The following MYO5B variants were observed in gnomAD, a reference collection of about 807,000 sequenced individuals.
The protein encoded by MYO5B is myosin VB, also known as unconventional myosin-Vb.
MYO5B carries 143 observed loss-of-function variants against 229.3 expected under a neutral mutation model. The ratio of observed to expected loss-of-function variants is 0.62; its 90% CI spans 0.54 to 0.72. MYO5B has a LOEUF of 0.72. Ranked by LOEUF, MYO5B falls within the 30% of genes least tolerant of loss-of-function variation. The pLI, the probability that MYO5B is intolerant of heterozygous loss-of-function variation, is 0.00. For synonymous variants in MYO5B, 918 were observed against 885.2 expected (o/e 1.04, Z -0.66); for missense variants, 2,321 against 2,331.0 (o/e 1.00, Z 0.09).
At chr18:49,948,508 T>C (rs2025399359) in intron 14 of MYO5B, among the ~76,000 whole-genome samples, 1 of 152,196 alleles carries the variant, frequency 6.6e-6, no homozygotes, top group Admixed American at 6.5e-5. Context: ...GGTTTAAGTA[T>C]TGGCAGAAGC....
chr18:49,990,936 G>T (rs1833080962), intron 6 of MYO5B, among the ~76,000 whole-genome samples: 2 of 151,898 alleles, frequency 1.3e-5, no homozygotes, highest in South Asian at 4.1e-4. Context: ...AGCTGTGCTT[G>T]CCCATCAGGT....
At chr18:49,835,623 T>C (rs2023978570) in intron 38 of MYO5B, among the ~76,000 whole-genome samples, 199 bp from the exon 39 acceptor site, 1 of 152,220 alleles carries the variant, frequency 6.6e-6, no homozygotes, top group South Asian at 2.1e-4. Context: ...CAGGTGGATC[T>C]GAGCCCTCTC....
chr18:49,857,816 CAG>C (rs1319732488), intron 29 of MYO5B, among the ~76,000 whole-genome samples: 1 of 152,194 alleles, frequency 6.6e-6, no homozygotes, highest in Non-Finnish European at 1.5e-5. Flanking sequence ...CCTGGGCACA[CAG>C]AGATACTCAA....
chr18:49,856,980 C>G (rs568292654), intron 29 of MYO5B, 90 bp from the exon 30 acceptor site: 2 of 1,193,256 alleles, frequency 1.7e-6, no homozygotes, highest in African/African-American at 3.0e-5. Flanking sequence ...AGATTCTAGC[C>G]AAGGTTTGGA....
chr18:49,890,947 A>C (rs1335268156), intron 22 of MYO5B, among the ~76,000 whole-genome samples: 1 of 152,212 alleles, frequency 6.6e-6, no homozygotes, highest in Non-Finnish European at 1.5e-5. Flanking sequence ...AATATCTTCA[A>C]AATGGTCCTG....
intron 17 of MYO5B, among the ~76,000 whole-genome samples, 156 bp from the exon 18 acceptor site, chr18:49,912,329 C>A (rs2024967675): frequency 6.6e-6 from 1 of 152,114 alleles, no homozygotes; most frequent in African/African-American, 2.4e-5. Flanking sequence ...TTTTGTCCTC[C>A]CCAGTGCCCT....
intron 14 of MYO5B, among the ~76,000 whole-genome samples, chr18:49,947,887 T>TA (rs1310935530): frequency 1.3e-5 from 2 of 152,136 alleles, no homozygotes; most frequent in African/African-American, 4.8e-5. Context: ...TTTGGCAGTT[T>TA]AAAAAAAGTC....
Position 50,194,947 on chromosome 18 carries a change from G to A in MYO5B, c.-154C>T, listed in dbSNP as rs1291014883. The stretch of plus-strand genomic sequence containing the variant: ...CCTGCCCCGCCGGCTTCCCGCAGGC[G>A]CCGCGGCCGGCTCGCTCCCGGCGGC... On this transcript the variant is annotated 5_prime_UTR_variant, in exon 1 of 40. Coordinates refer to ENST00000285039, the MANE Select transcript of MYO5B (RefSeq NM_001080467.3). 1.6e-5 allele frequency: 17 copies of A among 1,096,408 alleles called. No homozygotes were observed. The highest frequency in any genetic ancestry group is 1.6e-5 in the African/African-American group (1 of 60,942). The allele number at this position is 1,096,408 out of a possible 1,614,324, so 67.9% of individuals were successfully genotyped here. A position where few individuals can be genotyped will look rare whatever the true frequency, so the allele number is the denominator to read the frequency against.
At chr18:49,850,759 C>T (rs974941120) in intron 31 of MYO5B, 1 of 152,570 alleles carries the variant, frequency 6.6e-6, no homozygotes, top group Admixed American at 6.5e-5. Context: ...TGCCAAGCAG[C>T]ACCAAAGCAT....
At chr18:50,093,726 C>T (rs1356876875) in intron 1 of MYO5B, among the ~76,000 whole-genome samples, 1 of 151,954 alleles carries the variant, frequency 6.6e-6, no homozygotes, top group Non-Finnish European at 1.5e-5. Flanking sequence ...CTCTGGTCGT[C>T]CTCAGCGCTC....
chr18:49,876,153 T>C, intron 25 of MYO5B: 1 of 375,918 alleles, frequency 2.7e-6, no homozygotes, highest in South Asian at 2.2e-5. Context: ...TTAAAAGAGC[T>C]CACTTCTGGA....
At chr18:49,838,798 G>A (rs1029325682) in intron 36 of MYO5B, among the ~76,000 whole-genome samples, 8 of 152,090 alleles carry the variant, frequency 5.3e-5, no homozygotes, top group Non-Finnish European at 7.4e-5. Context: ...TTTTTTCCAT[G>A]AATCAAGTTC....
chr18:50,131,766 G>A (rs1273467362), intron 1 of MYO5B, among the ~76,000 whole-genome samples: 1 of 152,178 alleles, frequency 6.6e-6, no homozygotes, highest in Non-Finnish European at 1.5e-5. Context: ...AGGTGATAAT[G>A]TGACATTTCA....
At chr18:50,130,269 T>G (rs979386440) in intron 1 of MYO5B, among the ~76,000 whole-genome samples, 3 of 152,190 alleles carry the variant, frequency 2.0e-5, no homozygotes, top group Non-Finnish European at 4.4e-5. Flanking sequence ...TTCCTTGAAA[T>G]AAAAAGCTTT....
chr18:50,076,647 T>C (rs2031085491), intron 1 of MYO5B, among the ~76,000 whole-genome samples: 1 of 152,058 alleles, frequency 6.6e-6, no homozygotes, highest in Non-Finnish European at 1.5e-5. Flanking sequence ...TTCCAAAAGG[T>C]GGTCATGTGA....
At chr18:50,071,503 C>T (rs1305860111) in intron 1 of MYO5B, among the ~76,000 whole-genome samples, 2 of 152,168 alleles carry the variant, frequency 1.3e-5, no homozygotes, top group Non-Finnish European at 2.9e-5. Context: ...TAGCAAGAAG[C>T]TATGGCCTCT....
chr18:50,003,616 T>C (rs961853648), intron 4 of MYO5B, among the ~76,000 whole-genome samples: 2 of 152,158 alleles, frequency 1.3e-5, no homozygotes, highest in Admixed American at 1.3e-4. Flanking sequence ...ACTAAGAACA[T>C]CACAAGTTTG....
chr18:49,943,017 A>G (rs867030311), intron 14 of MYO5B, among the ~76,000 whole-genome samples: 18 of 152,230 alleles, frequency 1.2e-4, no homozygotes, highest in African/African-American at 3.6e-4. Flanking sequence ...CATATACACC[A>G]TGGAATACTA....
chr18:49,999,189 A>T (rs2026020294), intron 5 of MYO5B, among the ~76,000 whole-genome samples: 1 of 152,198 alleles, frequency 6.6e-6, no homozygotes, highest in Admixed American at 6.5e-5. Flanking sequence ...TTTCTAAAAG[A>T]AGTAGTACAC....
Sources: gnomAD v4.1 joint callset for allele counts (sites outside exome capture counted in the v4.1 genomes callset) on GRCh38, gnomAD v4.1.1 for gene constraint, MANE v1.5 for transcripts, NCBI Gene and HGNC (gene_info 2026-07-23, HGNC 2026-07-21) for gene names.